The following TRA2A variants were observed in gnomAD, a reference collection of about 807,000 sequenced individuals.
TRA2A encodes the protein transformer 2 alpha homolog, also known as transformer-2 protein homolog alpha.
A neutral mutation model predicts 45.7 loss-of-function variants in TRA2A; 31 were observed. That is an observed-to-expected ratio of 0.68 (90% CI 0.51 to 0.92). The LOEUF (loss-of-function observed/expected upper bound fraction) is 0.92, where lower values mean the gene tolerates loss of function less well. Among genes scored for constraint, TRA2A ranks in the 40% least tolerant of loss-of-function variants. The pLI is 0.00. For missense variants in TRA2A, 304 were observed against 367.5 expected (o/e 0.83, Z 1.41); for synonymous variants, 132 against 126.2 (o/e 1.05, Z -0.31).
intron 4 of TRA2A, among the ~76,000 whole-genome samples, chr7:23,509,493 T>C (rs1365889432): frequency 6.6e-6 from 1 of 152,108 alleles, no homozygotes; most frequent in Non-Finnish European, 1.5e-5. Context: ...CCCAGCACTT[T>C]GGGAGGCCAA....
intron 2 of TRA2A, among the ~76,000 whole-genome samples, chr7:23,519,265 G>A (rs1275100027): frequency 1.3e-5 from 2 of 152,058 alleles, no homozygotes; most frequent in Non-Finnish European, 2.9e-5. Context: ...TTGGTGGCGT[G>A]TGCCTGTAAT....
intron 4 of TRA2A, 85 bp from the exon 5 acceptor site, chr7:23,507,620 A>C: frequency 1.1e-6 from 1 of 941,546 alleles, no homozygotes; most frequent in Non-Finnish European, 1.7e-6. Flanking sequence ...AAGTATATGT[A>C]ATCCAAATAA....
intron 2 of TRA2A, among the ~76,000 whole-genome samples, chr7:23,517,503 A>AAAAAAAAAAAAAAAAAAC (rs764849438): frequency 8.6e-6 from 1 of 116,206 alleles, no homozygotes; most frequent in African/African-American, 3.2e-5. Flanking sequence ...AAAAAAAAAA[A>AAAAAAAAAAAAAAAAAAC]AGAGAGAAAG....
At chr7:23,523,230 A>G (rs1303778283) in intron 1 of TRA2A, among the ~76,000 whole-genome samples, 1 of 152,154 alleles carries the variant, frequency 6.6e-6, no homozygotes, top group Admixed American at 6.6e-5. Flanking sequence ...TAATTTATGC[A>G]TTTATGTATA....
At chr7:23,520,920 T>G (rs990077685) in intron 2 of TRA2A, among the ~76,000 whole-genome samples, 2 of 152,154 alleles carry the variant, frequency 1.3e-5, no homozygotes, top group Non-Finnish European at 2.9e-5. Flanking sequence ...CTAAAACTCC[T>G]GACCTCAAGT....
chr7:23,505,585 C>CAAAAAAAAAAAAAAAAAAAAAAAAAAA lies in TRA2A; in HGVS notation c.839-17_839-16insTTTTTTTTTTTTTTTTTTTTTTTTTTT. ...CAATAGCGTCCTAAAAGAGAAAAAG[C>CAAAAAAAAAAAAAAAAAAAAAAAAAAA]AAAAAAAAAAAAAAAAAAAAAAAGT... On this transcript the variant is annotated splice_polypyrimidine_tract_variant and intron_variant, in intron 7 of 7. Coordinates refer to ENST00000297071, the MANE Select transcript of TRA2A (RefSeq NM_013293.5). 4.1e-6 allele frequency: 1 copy of CAAAAAAAAAAAAAAAAAAAAAAAAAAA among 243,556 alleles called. No individual in the cohort carries two copies. Among genetic ancestry groups the CAAAAAAAAAAAAAAAAAAAAAAAAAAA allele is most frequent in the South Asian group, 1.0e-4 (1 of 9,784 alleles). 15.1% of individuals were successfully genotyped at this position (243,556 alleles called of 1,614,324 possible). A position where few individuals can be genotyped will look rare whatever the true frequency, so the allele number is the denominator to read the frequency against.
At chr7:23,521,229 G>C (rs1259889296) in intron 2 of TRA2A, among the ~76,000 whole-genome samples, 1 of 152,038 alleles carries the variant, frequency 6.6e-6, no homozygotes, top group South Asian at 2.1e-4. Flanking sequence ...TGACCAACCA[G>C]CATAGCATAC....
chr7:23,521,687 A>T lies in TRA2A; in HGVS notation c.170+20T>A. 1 of 1,612,562 alleles carries T rather than the reference A, an allele frequency of 6.2e-7. No homozygotes were observed. Among genetic ancestry groups the T allele is most frequent in the Non-Finnish European group, 8.5e-7 (1 of 1,179,050 alleles). ...AAAACCCCAGAAGAATATTTTAAGT[A>T]TTATCTTAAACACACTTACCTGGAT... On this transcript the variant is annotated intron_variant, in intron 2 of 7. Transcript: ENST00000297071.
intron 1 of TRA2A, among the ~76,000 whole-genome samples, chr7:23,530,469 T>C (rs1023743998): frequency 9.2e-5 from 14 of 152,226 alleles, no homozygotes; most frequent in Non-Finnish European, 5.9e-5. Flanking sequence ...AATTCGCCCT[T>C]CAGCACACAC....
chr7:23,521,669 C>T (rs1159529139), intron 2 of TRA2A, 38 bp downstream of exon 2: 2 of 1,603,826 alleles, frequency 1.2e-6, no homozygotes, highest in South Asian at 1.1e-5. Flanking sequence ...TCAAAAACCC[C>T]AGAAGAATAT....
At chr7:23,521,232 T>G (rs1790122298) in intron 2 of TRA2A, among the ~76,000 whole-genome samples, 1 of 151,984 alleles carries the variant, frequency 6.6e-6, no homozygotes. Context: ...CCAACCAGCA[T>G]AGCATACACA....
chr7:23,529,279 GTATT>G (rs1790466899), intron 1 of TRA2A, among the ~76,000 whole-genome samples: 1 of 152,134 alleles, frequency 6.6e-6, no homozygotes, highest in Non-Finnish European at 1.5e-5. Context: ...ATGGACCTAC[GTATT>G]TACTTATTTT....
chr7:23,516,039 G>C (rs1246992374), intron 3 of TRA2A, among the ~76,000 whole-genome samples: 2 of 151,922 alleles, frequency 1.3e-5, no homozygotes, highest in Non-Finnish European at 2.9e-5. Context: ...GGGTGTGGTG[G>C]TGCACACCTG....
chr7:23,507,469 T>C lies in TRA2A; in HGVS notation c.592A>G (p.Lys198Glu). 2 of 1,614,202 alleles carry C rather than the reference T, an allele frequency of 1.2e-6. No homozygotes were observed. Among genetic ancestry groups the C allele is most frequent in the Non-Finnish European group, 1.7e-6 (2 of 1,180,036 alleles). Reference protein sequence around the residue: ...RRIRVDYSITKRAHTPTPGIY... With the variant: ...RRIRVDYSITERAHTPTPGIY... ...CCTGGTGTTGGTGTGTGCGCTCTCTTGGTTATAGAATAATCCACCCGAATT... is the reference window on the plus strand; with the variant it reads ...CCTGGTGTTGGTGTGTGCGCTCTCTCGGTTATAGAATAATCCACCCGAATT... The change falls in exon 5 of 8, where the codon AAG becomes GAG. Residue 198 changes from lysine (K) to glutamate (E), a missense_variant. Physicochemically the swap from Lys to Glu is moderately conservative, Grantham distance 56 (BLOSUM62 1). Around this residue, in one of 3 missense-constraint regions of TRA2A, gnomAD observed 130 missense variants for 217.1 expected, o/e 0.60. Transcript: ENST00000297071.
At position 23,517,503 on chromosome 7, in the gene TRA2A, A is replaced by AAAAAAAAAAAAAAAAG. The variant is rs764849438; in HGVS notation, c.171-976_171-975insCTTTTTTTTTTTTTTT. On this transcript the variant is annotated intron_variant, in intron 2 of 7. Transcript: ENST00000297071. Reference sequence around the variant, plus strand: ...AAAAAAAAAAAAAAAAAAAAAAAAAAAGAGAGAAAGAAAGAAAAATCACTT... The same window carrying AAAAAAAAAAAAAAAAG: ...AAAAAAAAAAAAAAAAAAAAAAAAAAAAAAAAAAAAAAAAAGAGAGAGAAAGAAAGAAAAATCACTT... Among the ~76,000 whole-genome samples, 397 of 116,154 alleles carry AAAAAAAAAAAAAAAAG rather than the reference A, an allele frequency of 3.4e-3. 31 individuals are homozygous for AAAAAAAAAAAAAAAAG. The highest frequency in any genetic ancestry group is 0.01 in the East Asian group (30 of 2,984). 76.2% of individuals were successfully genotyped at this position (116,154 alleles called of 152,430 possible). A position where few individuals can be genotyped will look rare whatever the true frequency, so the allele number is the denominator to read the frequency against.
chr7:23,516,585 C>T (rs1789883452), intron 2 of TRA2A, 57 bp from the exon 3 acceptor site: 1 of 1,526,918 alleles, frequency 6.5e-7, no homozygotes, highest in Non-Finnish European at 9.1e-7. Context: ...AAAGTCCTTC[C>T]CTCTTCCAAG....
At position 23,531,962 on chromosome 7, in the gene TRA2A, G is replaced by C; in HGVS notation, c.-138C>G. 1.1e-6 allele frequency: 1 copy of C among 907,102 alleles called. No homozygotes were observed. Among genetic ancestry groups the C allele is most frequent in the Non-Finnish European group, 1.7e-6 (1 of 593,712 alleles). 56.2% of individuals were successfully genotyped at this position (907,102 alleles called of 1,614,324 possible). A position where few individuals can be genotyped will look rare whatever the true frequency, so the allele number is the denominator to read the frequency against. On this transcript the variant is annotated 5_prime_UTR_variant, in exon 1 of 8. Transcript: ENST00000297071. The stretch of plus-strand genomic sequence containing the variant: ...AGCCGCTCCACTCCACTCCCACTCG[G>C]TCGCAGGCTCCAGCAAAATGGCGCC...
At chr7:23,517,945 T>C (rs537544279) in intron 2 of TRA2A, among the ~76,000 whole-genome samples, 2 of 151,838 alleles carry the variant, frequency 1.3e-5, no homozygotes, top group Non-Finnish European at 2.9e-5. Context: ...TCCTTTTTGA[T>C]TTTCTGCTAC....
chr7:23,515,824 G>A (rs1213029498), intron 3 of TRA2A, among the ~76,000 whole-genome samples: 1 of 151,778 alleles, frequency 6.6e-6, no homozygotes, highest in African/African-American at 2.4e-5. Flanking sequence ...GGGATTACAG[G>A]TGTGAGCCAC....
Sources: allele counts gnomAD v4.1 joint callset (sites outside exome capture counted in the v4.1 genomes callset), GRCh38; gene constraint gnomAD v4.1.1; regional missense constraint gnomAD v4.1.1; transcripts MANE v1.5; gene names NCBI Gene and HGNC (gene_info 2026-07-23, HGNC 2026-07-21).